The following SMARCD1 variants were observed in gnomAD, a reference collection of about 807,000 sequenced individuals.
SMARCD1 encodes SWI/SNF-related matrix-associated actin-dependent regulator of chromatin subfamily D member 1.
In SMARCD1, 16 loss-of-function variants were observed where a neutral mutation model predicts 70.8. The observed-to-expected ratio is 0.23, with a 90% confidence interval of 0.15 to 0.34. SMARCD1 has a LOEUF of 0.34. Among genes scored for constraint, SMARCD1 ranks in the 10% least tolerant of loss-of-function variants. The pLI is 1.00. For synonymous variants in SMARCD1, 249 were observed against 246.0 expected (o/e 1.01, Z -0.11); for missense variants, 409 against 655.5 (o/e 0.62, Z 4.11).
chr12:50,090,158 A>G (rs1006923662), intron 7 of SMARCD1, 83 bp from the exon 8 acceptor site: 7 of 1,434,672 alleles, frequency 4.9e-6, no homozygotes, highest in South Asian at 2.6e-5. Flanking sequence ...AAAGCACTAC[A>G]TTATTTGTTG....
intron 9 of SMARCD1, 39 bp from the exon 10 acceptor site, chr12:50,094,398 G>A: frequency 6.2e-7 from 1 of 1,604,230 alleles, no homozygotes; most frequent in Non-Finnish European, 8.5e-7. Context: ...GGTCTTAGGG[G>A]ACAAGCTCTT....
In SMARCD1 at chr12:50,089,897, C is replaced by A. The variant is rs765056152; in HGVS notation, c.785C>A (p.Ala262Asp). Residue 262 changes from alanine to aspartate, a missense_variant, in exon 7 of 13, where the codon GCC (alanine) becomes GAC (aspartate). This residue lies in a region of SMARCD1 where 269 missense variants were observed against 498.6 expected (regional missense o/e 0.54). Coordinates refer to ENST00000394963, the MANE Select transcript of SMARCD1 (RefSeq NM_003076.5). ...DNHLVEWHRT[A>D]TTQETDGFQV... is the part of the protein sequence containing the mutation. Reference sequence around the variant, plus strand: ...TCCTCTCTGTAGTGGCACAGGACCGCCACTACCCAGGAGACCGATGGCTTT... The same window carrying A: ...TCCTCTCTGTAGTGGCACAGGACCGACACTACCCAGGAGACCGATGGCTTT... 3 of 1,614,092 alleles carry A rather than the reference C, an allele frequency of 1.9e-6. No homozygotes were observed. The highest frequency in any genetic ancestry group is 2.5e-6 in the Non-Finnish European group (3 of 1,179,960).
intron 4 of SMARCD1, 86 bp downstream of exon 4, chr12:50,086,964 G>C: frequency 7.4e-7 from 1 of 1,348,794 alleles, no homozygotes; most frequent in Non-Finnish European, 1.0e-6. Context: ...CAAAGGCACA[G>C]CACAACTCTC....
Position 50,086,320 on chromosome 12 carries a change from C to A in SMARCD1, c.337C>A (p.Gln113Lys). 1 of 1,603,370 alleles carries A rather than the reference C, an allele frequency of 6.2e-7. No homozygotes were observed. Among genetic ancestry groups the A allele is most frequent in the Non-Finnish European group, 8.5e-7 (1 of 1,174,796 alleles). ...PAPQQIQQVQQQAVQNRNHNA... is the reference protein window; with the variant it reads ...PAPQQIQQVQKQAVQNRNHNA... ...CCCTCAGCAGATCCAGCAGGTCCAG[C>A]AGCAGGCGGTCCAAAATCGAAACCA... is the stretch of plus-strand genomic sequence containing the variant. The change falls in exon 2 of 13, where the codon CAG becomes AAG. Residue 113 changes from glutamine (Q) to lysine (K), a missense_variant. Coordinates refer to ENST00000394963, the MANE Select transcript of SMARCD1 (RefSeq NM_003076.5).
chr12:50,085,601 A>G (rs566006926), intron 1 of SMARCD1, 55 bp downstream of exon 1: 5 of 827,698 alleles, frequency 6.0e-6, no homozygotes, highest in South Asian at 5.7e-5. Context: ...GAGCGGGGAC[A>G]TGGGAGTGAC....
intron 10 of SMARCD1, among the ~76,000 whole-genome samples, chr12:50,096,380 GGCT>G (rs2137901478): frequency 6.6e-6 from 1 of 152,262 alleles, no homozygotes; most frequent in African/African-American, 2.4e-5. Flanking sequence ...ATAGACTCTG[GGCT>G]GCAGACTGGG....
chr12:50,085,688 G>T (rs1360278378), intron 1 of SMARCD1, 142 bp downstream of exon 1: 1 of 541,098 alleles, frequency 1.8e-6, no homozygotes, highest in African/African-American at 2.0e-5. Flanking sequence ...GAGGCAGTGC[G>T]CAGAAAGAGA....
chr12:50,098,781 C>G lies in SMARCD1; in HGVS notation c.1460C>G (p.Ala487Gly), dbSNP rs541161761. 5.6e-6 allele frequency: 9 copies of G among 1,614,064 alleles called. No homozygotes were observed. The South Asian group carries it at 9.9e-5, about 18-fold the overall frequency. ...GCTGAGTTCTACTTCCAGCCCTGGG[C>G]TCAGGAGGCTGTGTGCCGATACTTC... ...RRAEFYFQPW[A>G]QEAVCRYFYS... Residue 487 changes from alanine (A) to glycine (G), a missense_variant, in exon 12 of 13, where the codon GCT becomes GGT. Physicochemically the swap from Ala to Gly is moderately conservative, Grantham distance 60 (BLOSUM62 0). This residue lies in a region of SMARCD1 where 269 missense variants were observed against 498.6 expected (regional missense o/e 0.54). Transcript: ENST00000394963.
At chr12:50,095,828 A>G (rs1950888991) in intron 10 of SMARCD1, among the ~76,000 whole-genome samples, 1 of 152,168 alleles carries the variant, frequency 6.6e-6, no homozygotes, top group African/African-American at 2.4e-5. Flanking sequence ...CGAGGACGGG[A>G]TGTTTTGGGA....
intron 11 of SMARCD1, 25 bp from the exon 12 acceptor site, chr12:50,098,689 C>A: frequency 6.4e-7 from 1 of 1,564,104 alleles, no homozygotes; most frequent in Non-Finnish European, 8.8e-7. Flanking sequence ...TCTCTTCCTC[C>A]ACCCTGCATC....
intron 11 of SMARCD1, among the ~76,000 whole-genome samples, chr12:50,098,064 T>A (rs1455783419): frequency 6.6e-6 from 1 of 152,008 alleles, no homozygotes; most frequent in Non-Finnish European, 1.5e-5. Context: ...AAGATAGGAA[T>A]GGGCACAGAG....
intron 6 of SMARCD1, 121 bp from the exon 7 acceptor site, chr12:50,089,763 T>C: frequency 4.5e-6 from 3 of 669,116 alleles, no homozygotes; most frequent in African/African-American, 3.6e-5. Context: ...TGCCTCATGC[T>C]ATTACTCTTC....
At chr12:50,098,689 C>T (rs1435212545) in intron 11 of SMARCD1, 25 bp from the exon 12 acceptor site, 14 of 1,563,986 alleles carry the variant, frequency 9.0e-6, no homozygotes, top group East Asian at 2.2e-5. Context: ...TCTCTTCCTC[C>T]ACCCTGCATC....
At position 50,099,560 on chromosome 12, in the gene SMARCD1, C is replaced by T. The variant is rs1451249758; in HGVS notation, c.*560C>T. ...ACCCTGGTTCTTGGGCTCCACTGAGCCCCAGGTCAGTCCCCAGCCCTCTGG... is the reference window on the plus strand; with the variant it reads ...ACCCTGGTTCTTGGGCTCCACTGAGTCCCAGGTCAGTCCCCAGCCCTCTGG... On this transcript the variant is annotated 3_prime_UTR_variant, in exon 13 of 13. Coordinates refer to ENST00000394963, the MANE Select transcript of SMARCD1 (RefSeq NM_003076.5). 7.9e-6 allele frequency: 3 copies of T among 379,740 alleles called. No homozygotes were observed. Among genetic ancestry groups the T allele is most frequent in the Non-Finnish European group, 1.4e-5 (3 of 214,142 alleles). 23.5% of individuals were successfully genotyped at this position (379,740 alleles called of 1,614,324 possible).
intron 5 of SMARCD1, 47 bp from the exon 6 acceptor site, chr12:50,088,474 G>T: frequency 9.2e-7 from 1 of 1,081,984 alleles, no homozygotes; most frequent in Non-Finnish European, 1.4e-6. Context: ...GTCTTGGGAA[G>T]TTTCTTCTGG....
At chr12:50,093,122 G>A (rs1405341624) in intron 9 of SMARCD1, among the ~76,000 whole-genome samples, 1 of 151,796 alleles carries the variant, frequency 6.6e-6, no homozygotes, top group Non-Finnish European at 1.5e-5. Context: ...GTTGCAGTGA[G>A]CCAAGACTGC....
chr12:50,098,401 T>C, intron 11 of SMARCD1: 1 of 355,090 alleles, frequency 2.8e-6, no homozygotes, highest in Non-Finnish European at 5.2e-6. Context: ...CAGGCATTCC[T>C]TGGCTTGTAG....
chr12:50,088,357 T>A, intron 5 of SMARCD1, 164 bp from the exon 6 acceptor site: 4 of 693,064 alleles, frequency 5.8e-6, no homozygotes, highest in African/African-American at 1.8e-5. Flanking sequence ...TATGATTGGT[T>A]TAATACCTGC....
At chr12:50,088,466 C>G in intron 5 of SMARCD1, 55 bp from the exon 6 acceptor site, 3 of 952,598 alleles carry the variant, frequency 3.1e-6, no homozygotes, top group Non-Finnish European at 3.3e-6. Context: ...AGGATTTTGT[C>G]TTGGGAAGTT....
Sources: gnomAD v4.1 joint callset for allele counts (sites outside exome capture counted in the v4.1 genomes callset) on GRCh38, gnomAD v4.1.1 for gene constraint, gnomAD v4.1.1 regional missense constraint, MANE v1.5 for transcripts, NCBI Gene and HGNC (gene_info 2026-07-23, HGNC 2026-07-21) for gene names.